Variants in TNRC6B observed in about 807,000 individuals in gnomAD.
The protein encoded by TNRC6B is trinucleotide repeat containing adaptor 6B, also known as trinucleotide repeat-containing gene 6B protein.
In TNRC6B, 52 loss-of-function variants were observed where a neutral mutation model predicts 203.6. The ratio of observed to expected loss-of-function variants is 0.26; its 90% CI spans 0.20 to 0.32. The LOEUF (loss-of-function observed/expected upper bound fraction) is 0.32, where lower values mean the gene tolerates loss of function less well. TNRC6B is among the 10% of genes least tolerant of loss of function. TNRC6B has a pLI of 1.00. For synonymous variants in TNRC6B, 838 were observed against 845.7 expected (o/e 0.99, Z 0.16); for missense variants, 1,923 against 2,286.2 (o/e 0.84, Z 3.24).
intron 1 of TNRC6B, among the ~76,000 whole-genome samples, chr22:40,109,865 T>C (rs189929351): frequency 1.3e-5 from 2 of 152,304 alleles, no homozygotes; most frequent in East Asian, 1.9e-4. Flanking sequence ...ATATTTAGTG[T>C]AAGGCCCCTG....
intron 1 of TNRC6B, among the ~76,000 whole-genome samples, chr22:40,217,706 G>A (rs1389252095): frequency 2.0e-5 from 3 of 152,132 alleles, no homozygotes; most frequent in Non-Finnish European, 2.9e-5. Flanking sequence ...CTGGTGCGGT[G>A]GCTCACACCT....
chr22:40,086,373 T>A (rs556336748), intron 1 of TNRC6B, among the ~76,000 whole-genome samples: 1 of 152,248 alleles, frequency 6.6e-6, no homozygotes, highest in Non-Finnish European at 1.5e-5. Context: ...ATTTCATAGA[T>A]GTGAATCCAT....
At chr22:40,209,248 A>C (rs372978580) in intron 1 of TNRC6B, among the ~76,000 whole-genome samples, 4 of 112,986 alleles carry the variant, frequency 3.5e-5, no homozygotes, top group East Asian at 2.1e-4. Context: ...AAACTTCTAA[A>C]GATAGCTTAT....
intron 3 of TNRC6B, among the ~76,000 whole-genome samples, chr22:40,138,005 A>G (rs1435022199): frequency 6.7e-6 from 1 of 149,902 alleles, no homozygotes; most frequent in Non-Finnish European, 1.5e-5. Flanking sequence ...AAAAAGAATG[A>G]CCTGGCAGGA....
chr22:40,131,163 G>A (rs1448495304), intron 3 of TNRC6B, among the ~76,000 whole-genome samples: 3 of 152,012 alleles, frequency 2.0e-5, no homozygotes, highest in South Asian at 2.1e-4. Context: ...CTCGTGATCC[G>A]CCCGCCTCAG....
rs1032419656 is a variant in TNRC6B, at chr22:40,335,474, T to G, written c.*12233T>G. 1.4e-5 allele frequency: 2 copies of G among 146,604 alleles called. No individual in the cohort carries two copies. Among genetic ancestry groups the G allele is most frequent in the African/African-American group, 5.1e-5 (2 of 39,060 alleles). The allele number at this position is 146,604 out of a possible 1,614,324, so 9.1% of individuals were successfully genotyped here. A position where few individuals can be genotyped will look rare whatever the true frequency, so the allele number is the denominator to read the frequency against. ...CAGGTACTGTATTTCTCATGCTGGA[T>G]TTCAAAAAAAAAAAAAAAAGTATCA... On this transcript the variant is annotated 3_prime_UTR_variant, in exon 23 of 23. Transcript: ENST00000454349.
chr22:40,098,409 AGG>A (rs1410275994), intron 1 of TNRC6B, among the ~76,000 whole-genome samples: 14 of 149,414 alleles, frequency 9.4e-5, no homozygotes, highest in Non-Finnish European at 1.3e-4. Flanking sequence ...AAAAAAAAAA[AGG>A]GAATTACTAT....
chr22:40,080,464 C>A (rs1438603671), intron 1 of TNRC6B, among the ~76,000 whole-genome samples: 1 of 152,136 alleles, frequency 6.6e-6, no homozygotes, highest in African/African-American at 2.4e-5. Context: ...AAGCAGTTAT[C>A]TAATCTTATT....
At chr22:40,315,896 TTTTTG>T (rs1228177092) in intron 20 of TNRC6B, 41 bp from the exon 21 acceptor site, 3 of 1,469,556 alleles carry the variant, frequency 2.0e-6, no homozygotes, top group Non-Finnish European at 2.8e-6. Flanking sequence ...GCTTTTCTTG[TTTTTG>T]TTTTATTTCT....
At chr22:40,051,390 G>A (rs749262116) in intron 1 of TNRC6B, among the ~76,000 whole-genome samples, 8 of 152,182 alleles carry the variant, frequency 5.3e-5, no homozygotes, top group South Asian at 2.1e-4. Context: ...TTATTCTTCC[G>A]TATTTCAACC....
rs1250076585 is a variant in TNRC6B, at chr22:40,066,765, G to A, written c.-121+21767G>A. On this transcript the variant is annotated intron_variant, in intron 1 of 23. Transcript: ENST00000301923. The stretch of plus-strand genomic sequence containing the variant: ...GTTTATATTTAAAATTTGAACTGAA[G>A]TATTTAAGAAAGCTTGGTTTTATGT... Among the ~76,000 whole-genome samples, 5 of 152,048 alleles carry A rather than the reference G, an allele frequency of 3.3e-5. No individual in the cohort carries two copies. In the East Asian group the frequency reaches 7.7e-4, roughly 24 times the overall value.
Position 40,335,750 on chromosome 22 carries a change from T to C in TNRC6B, c.*12509T>C, listed in dbSNP as rs1335896870. On this transcript the variant is annotated 3_prime_UTR_variant, in exon 23 of 23. Coordinates refer to ENST00000454349, the MANE Select transcript of TNRC6B (RefSeq NM_001162501.2). ...TTGCTTACATTATAACTACAAAATA[T>C]TTTTGGGTTCCTGGAAAAAAAAGAA... 8.2e-6 allele frequency: 1 copy of C among 121,330 alleles called. No individual in the cohort carries two copies. The highest frequency in any genetic ancestry group is 1.7e-5 in the Non-Finnish European group (1 of 60,412). The allele number at this position is 121,330 out of a possible 1,614,324, so 7.5% of individuals were successfully genotyped here. A position where few individuals can be genotyped will look rare whatever the true frequency, so the allele number is the denominator to read the frequency against.
upstream of TNRC6B, chr22:40,177,845 C>G: frequency 7.6e-7 from 1 of 1,316,732 alleles, no homozygotes; most frequent in Non-Finnish European, 9.6e-7. Flanking sequence ...CTCCAGCTCC[C>G]TCCCCTTTCC....
intron 1 of TNRC6B, among the ~76,000 whole-genome samples, chr22:40,065,952 A>G (rs149841810): frequency 1.4e-3 from 220 of 152,304 alleles, no homozygotes; most frequent in Admixed American, 2.7e-3. Flanking sequence ...GTTTTCTCAC[A>G]TAAACGTGCT....
rs532576043 is a variant in TNRC6B at position 40,078,601 on chromosome 22, A to T, written c.-121+33603A>T. On this transcript the variant is annotated intron_variant, in intron 1 of 23. Transcript: ENST00000301923. ...TCTACTTTTTATTATTTATTTATTT[A>T]TTTTTTTTTGAGACAGGATCTCACT... is the stretch of plus-strand genomic sequence containing the variant. Among the ~76,000 whole-genome samples the T allele has an allele frequency of 3.1e-3, 447 of 146,094 alleles. 3 individuals carry two copies. The highest frequency in any genetic ancestry group is 0.011 in the Middle Eastern group (3 of 282).
At chr22:40,062,755 T>C (rs1186266662) in intron 1 of TNRC6B, among the ~76,000 whole-genome samples, 1 of 152,146 alleles carries the variant, frequency 6.6e-6, no homozygotes, top group Non-Finnish European at 1.5e-5. Context: ...TATTTGTATA[T>C]TATTGTTGGA....
chr22:40,148,558 C>G (rs1269672604), intron 3 of TNRC6B, among the ~76,000 whole-genome samples: 1 of 148,142 alleles, frequency 6.8e-6, no homozygotes, highest in African/African-American at 2.5e-5. Flanking sequence ...GCTGAGATTA[C>G]AGGTGTGGGC....
intron 1 of TNRC6B, among the ~76,000 whole-genome samples, chr22:40,116,619 G>A (rs1284183870): frequency 6.6e-6 from 1 of 152,150 alleles, no homozygotes; most frequent in African/African-American, 2.4e-5. Context: ...AGAATTATGG[G>A]TAGATCTGAG....
At chr22:40,109,325 T>C (rs1405361071) in intron 1 of TNRC6B, among the ~76,000 whole-genome samples, 2 of 152,158 alleles carry the variant, frequency 1.3e-5, no homozygotes, top group African/African-American at 4.8e-5. Flanking sequence ...GGTCAAATGG[T>C]ATTTCTGGTT....
Sources: allele counts gnomAD v4.1 joint callset (sites outside exome capture counted in the v4.1 genomes callset), GRCh38; gene constraint gnomAD v4.1.1; transcripts MANE v1.5; gene names NCBI Gene and HGNC (gene_info 2026-07-23, HGNC 2026-07-21).